The following VAV2 variants were observed in gnomAD, a reference collection of about 807,000 sequenced individuals.
VAV2 encodes vav guanine nucleotide exchange factor 2.
Under a neutral mutation model 132.5 loss-of-function variants are expected in VAV2, and 67 were observed. The observed-to-expected ratio is 0.51, with a 90% CI of 0.42 to 0.62. VAV2 has a LOEUF of 0.62. Among genes scored for constraint, VAV2 ranks in the 20% least tolerant of loss-of-function variants. The pLI, the probability that VAV2 is intolerant of heterozygous loss-of-function variation, is 0.00. For missense variants in VAV2, 938 were observed against 1,153.6 expected, an observed-to-expected ratio of 0.81 and a Z score of 2.71; for synonymous variants, 492 against 443.5, an observed-to-expected ratio of 1.11 and a Z score of -1.37.
At position 133,763,931 on chromosome 9, in the gene VAV2, C is replaced by A; in HGVS notation, c.*131G>T. On this transcript the variant is annotated 3_prime_UTR_variant, in exon 30 of 30. Coordinates refer to ENST00000371850, the MANE Select transcript of VAV2 (RefSeq NM_001134398.2). The surrounding 1 kb of genome is among the most constrained non-coding windows in gnomAD (Gnocchi z 6.8). Reference sequence around the variant, plus strand: ...GAGTTTAGGATTCTCAACACCCTCCCTATCCCTGTGGGCAGTGGAAGACTG... The same window carrying A: ...GAGTTTAGGATTCTCAACACCCTCCATATCCCTGTGGGCAGTGGAAGACTG... 8.9e-7 allele frequency: 1 copy of A among 1,121,962 alleles called. No homozygotes were observed. The highest frequency in any genetic ancestry group is 2.4e-5 in the East Asian group (1 of 41,618). 69.5% of individuals were successfully genotyped at this position (1,121,962 alleles called of 1,614,324 possible).
intron 2 of VAV2, among the ~76,000 whole-genome samples, chr9:133,924,082 ATACCTATG>A (rs1840387638): frequency 6.6e-6 from 1 of 152,222 alleles, no homozygotes; most frequent in African/African-American, 2.4e-5. Flanking sequence ...AGGCACATGT[ATACCTATG>A]TATCAAACCT....
chr9:133,853,298 G>C (rs1837258246), intron 3 of VAV2, among the ~76,000 whole-genome samples: 1 of 152,130 alleles, frequency 6.6e-6, no homozygotes, highest in African/African-American at 2.4e-5. Flanking sequence ...TCTCCAGTCA[G>C]CAAGCATGGG....
At chr9:133,861,742 C>T (rs986126024) in intron 2 of VAV2, among the ~76,000 whole-genome samples, 2 of 152,206 alleles carry the variant, frequency 1.3e-5, no homozygotes, top group African/African-American at 4.8e-5. Flanking sequence ...TGCCAGAGGG[C>T]TTCACCGAGG....
In VAV2 at chr9:133,768,723, G is replaced by A. The variant is rs1224275592; in HGVS notation, c.2435-127C>T. ...ACCCTGCTCTGTACCCAGAGAGGAA[G>A]GATGTCAAGCAGAAAGGCTCTGGAG... On this transcript the variant is annotated intron_variant, in intron 28 of 29. Coordinates refer to ENST00000371850, the MANE Select transcript of VAV2 (RefSeq NM_001134398.2). This position sits in a 1 kb window ranked among gnomAD's most constrained non-coding sequence, Gnocchi z 5.3. 3.4e-5 allele frequency: 43 copies of A among 1,248,670 alleles called. No individual in the cohort carries two copies. The highest frequency in any genetic ancestry group is 4.5e-5 in the Non-Finnish European group (42 of 924,610). The allele number at this position is 1,248,670 out of a possible 1,614,324, so 77.3% of individuals were successfully genotyped here. A position where few individuals can be genotyped will look rare whatever the true frequency, so the allele number is the denominator to read the frequency against.
chr9:133,853,009 A>T (rs1837245891), intron 3 of VAV2, among the ~76,000 whole-genome samples: 1 of 152,138 alleles, frequency 6.6e-6, no homozygotes, highest in Non-Finnish European at 1.5e-5. Context: ...AACCCCACAC[A>T]CAAGATGCCA....
intron 29 of VAV2, among the ~76,000 whole-genome samples, chr9:133,765,754 A>G (rs1833407786): frequency 6.6e-6 from 1 of 152,212 alleles, no homozygotes; most frequent in South Asian, 2.1e-4. Flanking sequence ...GTCTTAGGAA[A>G]TACTTAGGGG....
In VAV2 at chr9:133,894,689, G is replaced by T. The variant is rs569431996; in HGVS notation, c.322-33257C>A. 4.6e-5 allele frequency among the ~76,000 whole-genome samples: 7 copies of T among 152,290 alleles called. No individual in the cohort carries two copies. In the South Asian group the frequency reaches 8.3e-4, roughly 18 times the overall value. On this transcript the variant is annotated intron_variant, in intron 2 of 29. Coordinates refer to ENST00000371850, the MANE Select transcript of VAV2 (RefSeq NM_001134398.2). The stretch of plus-strand genomic sequence containing the variant: ...CCAAGGGGACCACAAACCCCTCCAG[G>T]AATCTAAGGAAGGCTGTGGGCCTCT...
At chr9:133,901,456 G>C (rs1839438973) in intron 2 of VAV2, among the ~76,000 whole-genome samples, 1 of 152,246 alleles carries the variant, frequency 6.6e-6, no homozygotes, top group South Asian at 2.1e-4. Flanking sequence ...ATGGCCTGTG[G>C]TGGCTCTGAC....
intron 2 of VAV2, among the ~76,000 whole-genome samples, chr9:133,915,779 C>T (rs757486020): frequency 1.3e-4 from 20 of 150,842 alleles, no homozygotes; most frequent in South Asian, 6.3e-4. Flanking sequence ...AATGCACACA[C>T]GCACACGATG....
intron 1 of VAV2, among the ~76,000 whole-genome samples, chr9:133,968,404 T>C (rs1030462235): frequency 2.6e-5 from 4 of 152,052 alleles, no homozygotes; most frequent in African/African-American, 9.7e-5. Context: ...AAATAATACA[T>C]TTGAAAAGGT....
intron 1 of VAV2, among the ~76,000 whole-genome samples, chr9:133,990,346 CCA>C (rs1460913962): frequency 2.0e-5 from 3 of 152,152 alleles, no homozygotes; most frequent in Admixed American, 2.0e-4. Flanking sequence ...GCCAATGGCT[CCA>C]GAGACCCCAG....
intron 2 of VAV2, among the ~76,000 whole-genome samples, chr9:133,894,987 G>T (rs1484027336): frequency 1.3e-5 from 2 of 152,240 alleles, no homozygotes; most frequent in Non-Finnish European, 2.9e-5. Context: ...TGGGAGGCAG[G>T]AGGAAGGGCA....
intron 2 of VAV2, among the ~76,000 whole-genome samples, chr9:133,920,270 G>A (rs1457840802): frequency 6.6e-6 from 1 of 152,214 alleles, no homozygotes; most frequent in East Asian, 1.9e-4. Flanking sequence ...TCCACAAAGG[G>A]CCACGAAGCA....
intron 9 of VAV2, among the ~76,000 whole-genome samples, chr9:133,801,991 T>C (rs953214639): frequency 5.9e-5 from 9 of 152,056 alleles, no homozygotes; most frequent in African/African-American, 2.2e-4. Context: ...TTTGCGGTCA[T>C]TGTTACAGCC....
At chr9:133,966,385 G>C (rs557884591) in intron 1 of VAV2, among the ~76,000 whole-genome samples, 1 of 152,162 alleles carries the variant, frequency 6.6e-6, no homozygotes. Flanking sequence ...CTATTCATCC[G>C]ACAAGGGATT....
At chr9:133,829,579 A>T (rs1192529668) in intron 4 of VAV2, among the ~76,000 whole-genome samples, 3 of 152,272 alleles carry the variant, frequency 2.0e-5, no homozygotes, top group Non-Finnish European at 4.4e-5. Flanking sequence ...ATGATCTGTG[A>T]CACTGATCAC....
intron 1 of VAV2, among the ~76,000 whole-genome samples, chr9:133,971,016 A>G (rs747834516): frequency 6.6e-5 from 10 of 152,138 alleles, no homozygotes; most frequent in Admixed American, 4.6e-4. Context: ...GAAATAAAAA[A>G]TATATATATA....
chr9:133,890,146 G>A (rs935416043), intron 2 of VAV2, among the ~76,000 whole-genome samples: 2 of 152,214 alleles, frequency 1.3e-5, no homozygotes, highest in African/African-American at 4.8e-5. Flanking sequence ...CACGGATCGT[G>A]CCAGCCTGGC....
At chr9:133,946,460 G>A (rs1472539392) in intron 1 of VAV2, among the ~76,000 whole-genome samples, 2 of 152,244 alleles carry the variant, frequency 1.3e-5, no homozygotes, top group Non-Finnish European at 2.9e-5. Context: ...GTCTTTCTGA[G>A]CAAGCTGGGG....
Sources: allele counts gnomAD v4.1 joint callset (sites outside exome capture counted in the v4.1 genomes callset), GRCh38; gene constraint gnomAD v4.1.1; non-coding constraint Gnocchi (gnomAD v3.1); transcripts MANE v1.5; gene names NCBI Gene and HGNC (gene_info 2026-07-23, HGNC 2026-07-21).